Variants in COG5 observed in about 807,000 individuals in gnomAD.
COG5 encodes conserved oligomeric Golgi complex subunit 5.
COG5 carries 86 observed loss-of-function variants against 110.4 expected under a neutral mutation model. The ratio of observed to expected loss-of-function variants is 0.78; its 90% CI spans 0.65 to 0.93. COG5 has a LOEUF of 0.93. Among genes scored for constraint, COG5 ranks in the 40% least tolerant of loss-of-function variants. The pLI, the probability that COG5 is intolerant of heterozygous loss-of-function variation, is 0.00. For synonymous variants in COG5, 360 were observed against 334.6 expected, an observed-to-expected ratio of 1.08 and a Z score of -0.83; for missense variants, 1,077 against 987.0, an observed-to-expected ratio of 1.09 and a Z score of -1.22.
intron 7 of COG5, among the ~76,000 whole-genome samples, chr7:107,406,663 A>G (rs1235600023): frequency 6.6e-6 from 1 of 152,200 alleles, no homozygotes; most frequent in Non-Finnish European, 1.5e-5. Flanking sequence ...CTTTAAAAGT[A>G]ACCATTCCTT....
intron 6 of COG5, among the ~76,000 whole-genome samples, chr7:107,479,137 A>C (rs1797164501): frequency 1.3e-5 from 2 of 152,102 alleles, no homozygotes; most frequent in South Asian, 4.1e-4. Context: ...AAGAAGAATA[A>C]AGTTCTTAAT....
intron 12 of COG5, among the ~76,000 whole-genome samples, chr7:107,288,043 T>A (rs1006356794): frequency 3.9e-5 from 6 of 152,124 alleles, no homozygotes; most frequent in African/African-American, 1.4e-4. Flanking sequence ...GGAGCGAAAC[T>A]GCTGGGTCAT....
intron 11 of COG5, among the ~76,000 whole-genome samples, chr7:107,308,605 G>T (rs1271577673): frequency 6.6e-6 from 1 of 152,038 alleles, no homozygotes; most frequent in African/African-American, 2.4e-5. Flanking sequence ...TAAATAAATA[G>T]AAATTTATCT....
At chr7:107,436,586 T>C (rs1563034023) in intron 6 of COG5, among the ~76,000 whole-genome samples, 1 of 152,168 alleles carries the variant, frequency 6.6e-6, no homozygotes, top group African/African-American at 2.4e-5. Context: ...ATACTTAAAA[T>C]TGGTTAAAAT....
chr7:107,524,331 A>G (rs1800576402), intron 6 of COG5, among the ~76,000 whole-genome samples: 1 of 152,198 alleles, frequency 6.6e-6, no homozygotes. Context: ...TCCAGACAAC[A>G]ATGTATTTCA....
chr7:107,440,119 C>T (rs1794618716), intron 6 of COG5, among the ~76,000 whole-genome samples: 1 of 152,192 alleles, frequency 6.6e-6, no homozygotes, highest in Non-Finnish European at 1.5e-5. Flanking sequence ...TTCTCCACAT[C>T]AGTAAAGGGT....
intron 3 of COG5, among the ~76,000 whole-genome samples, chr7:107,553,140 T>C (rs534690535): frequency 5.3e-5 from 8 of 152,286 alleles, no homozygotes; most frequent in Admixed American, 3.3e-4. Context: ...TTGGGTCCTA[T>C]GCACACTACC....
At chr7:107,213,777 G>A (rs1204532398) in intron 19 of COG5, among the ~76,000 whole-genome samples, 1 of 152,180 alleles carries the variant, frequency 6.6e-6, no homozygotes, top group African/African-American at 2.4e-5. Flanking sequence ...TTAAATCTAT[G>A]CTAAAGAACA....
intron 19 of COG5, among the ~76,000 whole-genome samples, chr7:107,224,201 CTT>C (rs1562920527): frequency 4.6e-5 from 7 of 152,106 alleles, no homozygotes; most frequent in African/African-American, 1.7e-4. Flanking sequence ...TCTGGAGGGT[CTT>C]AGTGTTAAAG....
At chr7:107,204,904 C>G (rs1436224877) in intron 21 of COG5, among the ~76,000 whole-genome samples, 2 of 152,232 alleles carry the variant, frequency 1.3e-5, no homozygotes, top group Non-Finnish European at 2.9e-5. Context: ...GTTCTGCCCG[C>G]CTTCCCTTAT....
intron 6 of COG5, among the ~76,000 whole-genome samples, chr7:107,456,184 A>T (rs559844494): frequency 6.6e-6 from 1 of 152,334 alleles, no homozygotes; most frequent in Non-Finnish European, 1.5e-5. Context: ...AGAAACAAGG[A>T]GTAAAAAGTA....
chr7:107,433,833 G>A (rs1794186041), intron 6 of COG5, among the ~76,000 whole-genome samples: 1 of 152,020 alleles, frequency 6.6e-6, no homozygotes, highest in African/African-American at 2.4e-5. Flanking sequence ...ACATCAAAAC[G>A]TAAAATTTCC....
chr7:107,288,164 G>C (rs1458578880), intron 12 of COG5, among the ~76,000 whole-genome samples: 2 of 152,080 alleles, frequency 1.3e-5, no homozygotes, highest in African/African-American at 4.8e-5. Flanking sequence ...AGAAGTTCAA[G>C]ACCAGCCTGT....
At chr7:107,307,414 G>A (rs971762088) in intron 11 of COG5, among the ~76,000 whole-genome samples, 1 of 152,068 alleles carries the variant, frequency 6.6e-6, no homozygotes, top group African/African-American at 2.4e-5. Flanking sequence ...TGTTTTTATA[G>A]GTTTCAAACA....
At chr7:107,366,697 C>T (rs529346471) in intron 8 of COG5, among the ~76,000 whole-genome samples, 5 of 152,158 alleles carry the variant, frequency 3.3e-5, no homozygotes, top group Non-Finnish European at 5.9e-5. Context: ...GGTAAAGCAA[C>T]GTCTGATGGT....
intron 11 of COG5, among the ~76,000 whole-genome samples, chr7:107,314,637 T>G (rs1048824241): frequency 1.4e-5 from 2 of 146,978 alleles, no homozygotes; most frequent in Non-Finnish European, 3.0e-5. Flanking sequence ...TAATCCCAGC[T>G]ACTTGGGAGG....
chr7:107,522,732 G>A (rs1418670152), intron 6 of COG5, among the ~76,000 whole-genome samples: 1 of 152,178 alleles, frequency 6.6e-6, no homozygotes, highest in Non-Finnish European at 1.5e-5. Flanking sequence ...ATTTTTATAT[G>A]AAATGAAGTA....
chr7:107,413,235 A>G (rs1410619667), intron 6 of COG5, among the ~76,000 whole-genome samples: 1 of 151,992 alleles, frequency 6.6e-6, no homozygotes, highest in Non-Finnish European at 1.5e-5. Flanking sequence ...AGCTGGTCTC[A>G]AACTCCTGGC....
At chr7:107,411,125 A>C (rs1563017564) in intron 7 of COG5, among the ~76,000 whole-genome samples, 1 of 152,164 alleles carries the variant, frequency 6.6e-6, no homozygotes, top group Non-Finnish European at 1.5e-5. Flanking sequence ...GAAGAGGACA[A>C]TATGTTATAG....
Sources: gnomAD v4.1 joint callset for allele counts (sites outside exome capture counted in the v4.1 genomes callset) on GRCh38, gnomAD v4.1.1 for gene constraint, MANE v1.5 for transcripts, NCBI Gene and HGNC (gene_info 2026-07-23, HGNC 2026-07-21) for gene names.